Variants in YTHDF1 observed in about 807,000 individuals in gnomAD.
The protein encoded by YTHDF1 is YTH N6-methyladenosine RNA binding protein F1, also known as YTH domain-containing family protein 1.
Under a neutral mutation model 49.1 loss-of-function variants are expected in YTHDF1, and 16 were observed. The observed-to-expected ratio is 0.33, with a 90% confidence interval of 0.22 to 0.49. The LOEUF is 0.49. Ranked by LOEUF, YTHDF1 falls within the 20% of genes least tolerant of loss-of-function variation. The pLI is 0.99. For missense variants in YTHDF1, 621 were observed against 744.3 expected, an observed-to-expected ratio of 0.83 and a Z score of 1.93; for synonymous variants, 313 against 290.1, an observed-to-expected ratio of 1.08 and a Z score of -0.80.
At position 63,216,005 on chromosome 20, in the gene YTHDF1, G is replaced by C. The variant is rs577008731; in HGVS notation, c.-113C>G. ...CCCCGGGCCCCGCCGCCAATTCCCC[G>C]GGCGCCGGCCGGGCGGCGGCGGCGG... On this transcript the variant is annotated 5_prime_UTR_variant, in exon 1 of 5. Coordinates refer to ENST00000370339, the MANE Select transcript of YTHDF1 (RefSeq NM_017798.4). The C allele has an allele frequency of 1.0e-6, 1 of 1,003,682 alleles. No individual in the cohort carries two copies. The highest frequency in any genetic ancestry group is 1.2e-6 in the Non-Finnish European group (1 of 826,386). The allele number at this position is 1,003,682 out of a possible 1,614,324, so 62.2% of individuals were successfully genotyped here.
At chr20:63,200,149 T>C (rs552198539) in intron 4 of YTHDF1, among the ~76,000 whole-genome samples, 2 of 151,882 alleles carry the variant, frequency 1.3e-5, no homozygotes, top group South Asian at 4.2e-4. Flanking sequence ...TCACTTGAGG[T>C]CAAGAGATCG....
At chr20:63,204,800 T>C (rs2066537861) in intron 3 of YTHDF1, among the ~76,000 whole-genome samples, 2 of 151,934 alleles carry the variant, frequency 1.3e-5, no homozygotes, top group South Asian at 4.2e-4. Flanking sequence ...GGTCAGCAGT[T>C]CTGGGACGGC....
At position 63,203,147 on chromosome 20, in the gene YTHDF1, T is replaced by C; in HGVS notation, c.793A>G (p.Ile265Val). 1.2e-6 allele frequency: 2 copies of C among 1,613,758 alleles called. No individual in the cohort carries two copies. The highest frequency in any genetic ancestry group is 1.7e-6 in the Non-Finnish European group (2 of 1,180,002). The change falls in exon 4 of 5, where the codon ATA becomes GTA. Residue 265 changes from isoleucine to valine, a missense_variant. Ile to Val is a conservative substitution (Grantham distance 29). Transcript: ENST00000370339. The surrounding 1 kb of genome is among the most constrained non-coding windows in gnomAD (Gnocchi z 4.4). ...GTGCCAATGTCCATGTTATGCTTTA[T>C]GGGTGGAGGGGGCAGCCCACCCCCC... ...VMGGGLPPPPIKHNMDIGTWD... is the reference protein window; with the variant it reads ...VMGGGLPPPPVKHNMDIGTWD...
chr20:63,200,114 A>T (rs1489614280), intron 4 of YTHDF1, among the ~76,000 whole-genome samples: 1 of 152,082 alleles, frequency 6.6e-6, no homozygotes, highest in African/African-American at 2.4e-5. Context: ...TAATCCCAGC[A>T]CTTTGGGAGG....
intron 2 of YTHDF1, among the ~76,000 whole-genome samples, chr20:63,214,943 TTC>T (rs1420988065): frequency 1.3e-5 from 2 of 152,210 alleles, no homozygotes. Context: ...ACCACTTACC[TTC>T]CCACTGTTAT....
At chr20:63,196,836 T>C in intron 4 of YTHDF1, 102 bp from the exon 5 acceptor site, 1 of 1,383,950 alleles carries the variant, frequency 7.2e-7, no homozygotes, top group East Asian at 2.4e-5. Flanking sequence ...CCTGCAAATC[T>C]GGAGGCGGGA....
chr20:63,214,307 A>AT (rs2066590631), intron 2 of YTHDF1, among the ~76,000 whole-genome samples: 1 of 152,250 alleles, frequency 6.6e-6, no homozygotes, highest in African/African-American at 2.4e-5. Context: ...TGCAGAATGT[A>AT]TGCCCAAACG....
intron 3 of YTHDF1, among the ~76,000 whole-genome samples, chr20:63,212,590 C>G (rs992304232): frequency 5.3e-5 from 8 of 152,232 alleles, no homozygotes; most frequent in Admixed American, 2.0e-4. Flanking sequence ...GCCCCTCATC[C>G]AAGCCAACGG....
rs535632193 is a variant in YTHDF1 at position 63,207,257 on chromosome 20, A to T, written c.133-3450T>A. On this transcript the variant is annotated intron_variant, in intron 3 of 4. Coordinates refer to ENST00000370339, the MANE Select transcript of YTHDF1 (RefSeq NM_017798.4). ...GCTGAGGTGGACGGATCACAAGGTC[A>T]GGAGATCAAGACCATCCTGGCTAAC... 2.2e-3 allele frequency among the ~76,000 whole-genome samples: 331 copies of T among 152,258 alleles called. 4 individuals are homozygous for T. The highest frequency in any genetic ancestry group is 8.3e-4 in the South Asian group (4 of 4,824).
At chr20:63,208,047 CT>C (rs1362393095) in intron 3 of YTHDF1, among the ~76,000 whole-genome samples, 3 of 151,072 alleles carry the variant, frequency 2.0e-5, no homozygotes, top group African/African-American at 7.3e-5. Context: ...TACATATTTA[CT>C]CAAATTTAAC....
chr20:63,206,283 AGAG>A (rs2066545678), intron 3 of YTHDF1, among the ~76,000 whole-genome samples: 1 of 152,262 alleles, frequency 6.6e-6, no homozygotes, highest in South Asian at 2.1e-4. Context: ...AACACCAACC[AGAG>A]GAGTCAGGCC....
At position 63,203,932 on chromosome 20, in the gene YTHDF1, C is replaced by G. The variant is rs945585125; in HGVS notation, c.133-125G>C. On this transcript the variant is annotated intron_variant, in intron 3 of 4. Coordinates refer to ENST00000370339, the MANE Select transcript of YTHDF1 (RefSeq NM_017798.4). The surrounding 1 kb of genome is among the most constrained non-coding windows in gnomAD (Gnocchi z 4.4). ...CCTGCACAGCATGGGGCTACTCCTT[C>G]CAGAAAGAAAGCTGTAGTCGCCAAT... 3.0e-5 allele frequency: 26 copies of G among 873,416 alleles called. No homozygotes were observed. In the African/African-American group the frequency reaches 4.3e-4, roughly 14 times the overall value. 54.1% of individuals were successfully genotyped at this position (873,416 alleles called of 1,614,324 possible). A position where few individuals can be genotyped will look rare whatever the true frequency, so the allele number is the denominator to read the frequency against.
chr20:63,199,616 A>G (rs2066508643), intron 4 of YTHDF1, among the ~76,000 whole-genome samples: 1 of 152,078 alleles, frequency 6.6e-6, no homozygotes, highest in South Asian at 2.1e-4. Flanking sequence ...CAAGACACCT[A>G]AGACTCCAAT....
chr20:63,207,538 C>T (rs932387637), intron 3 of YTHDF1, among the ~76,000 whole-genome samples: 19 of 146,550 alleles, frequency 1.3e-4, no homozygotes, highest in Non-Finnish European at 2.4e-4. Flanking sequence ...TCTGAGCAAG[C>T]ATATTTTGGT....
At chr20:63,215,759 C>G in intron 1 of YTHDF1, 107 bp downstream of exon 1, 1 of 1,376,148 alleles carries the variant, frequency 7.3e-7, no homozygotes, top group African/African-American at 1.5e-5. Flanking sequence ...CCGGTCCCGC[C>G]TGGGCCCGGC....
At chr20:63,207,312 A>C (rs1346417392) in intron 3 of YTHDF1, among the ~76,000 whole-genome samples, 1 of 152,034 alleles carries the variant, frequency 6.6e-6, no homozygotes, top group Non-Finnish European at 1.5e-5. Flanking sequence ...TACTAAAAAC[A>C]CAAAAAATTA....
chr20:63,203,003 C>G lies in YTHDF1; in HGVS notation c.937G>C (p.Ala313Pro). The G allele has an allele frequency of 6.2e-7, 1 of 1,612,280 alleles. No homozygotes were observed. Among genetic ancestry groups the G allele is most frequent in the Non-Finnish European group, 8.5e-7 (1 of 1,179,416 alleles). Residue 313 changes from alanine (A) to proline (P), a missense_variant, in exon 4 of 5, where the codon GCT becomes CCT. Ala to Pro is a conservative substitution (Grantham distance 27, BLOSUM62 -1). Transcript: ENST00000370339. The surrounding 1 kb of genome is among the most constrained non-coding windows in gnomAD (Gnocchi z 4.4). ...QPLPAQPPAL[A>P]QPQYQSPQQP... ...TGAGGGCTCTGATACTGCGGTTGAG[C>G]CAAAGCTGGGGGCTGTGCTGGGAGA...
chr20:63,208,093 C>T (rs114537017), intron 3 of YTHDF1, among the ~76,000 whole-genome samples: 1 of 152,036 alleles, frequency 6.6e-6, no homozygotes, highest in African/African-American at 2.4e-5. Context: ...TCCGAATGAC[C>T]AGAACCATTT....
rs1283114031 is a variant in YTHDF1, at chr20:63,215,605, C to T, written c.28-4G>A. The T allele has an allele frequency of 1.2e-6, 2 of 1,609,300 alleles. No individual in the cohort carries two copies. Among genetic ancestry groups the T allele is most frequent in the East Asian group, 2.3e-5 (1 of 44,106 alleles). On this transcript the variant is annotated splice_polypyrimidine_tract_variant and splice_region_variant and intron_variant, in intron 1 of 4. Transcript: ENST00000370339. ...TATTATCTTGTCCTTTTGTTCTCTG[C>T]ACCGCCGCAGGCCGGGACGTGGGGT...
Sources: allele counts gnomAD v4.1 joint callset (sites outside exome capture counted in the v4.1 genomes callset), GRCh38; gene constraint gnomAD v4.1.1; non-coding constraint Gnocchi (gnomAD v3.1); transcripts MANE v1.5; gene names NCBI Gene and HGNC (gene_info 2026-07-23, HGNC 2026-07-21).